CIT: variants seen among roughly 807,000 people sequenced by gnomAD.
CIT encodes citron rho-interacting serine/threonine kinase.
Under a neutral mutation model 272.7 loss-of-function variants are expected in CIT, and 79 were observed. The observed-to-expected ratio is 0.29, with a 90% CI of 0.24 to 0.35. The LOEUF is 0.35. Among genes scored for constraint, CIT ranks in the 10% least tolerant of loss-of-function variants. CIT has a pLI of 1.00. For missense variants in CIT, 1,909 were observed against 2,618.3 expected, an observed-to-expected ratio of 0.73 and a Z score of 5.91; for synonymous variants, 948 against 995.6, an observed-to-expected ratio of 0.95 and a Z score of 0.90.
intron 23 of CIT, among the ~76,000 whole-genome samples, chr12:119,748,685 CCAT>C (rs1254818175): frequency 2.0e-5 from 3 of 152,172 alleles, no homozygotes; most frequent in Non-Finnish European, 4.4e-5. Flanking sequence ...CTTTGGGATC[CCAT>C]CATCACGCTA....
In CIT at chr12:119,769,675, G is replaced by A. The variant is rs1476320272; in HGVS notation, c.2208+1110C>T. Among the ~76,000 whole-genome samples the A allele has an allele frequency of 3.9e-5, 6 of 152,134 alleles. No individual in the cohort carries two copies. The East Asian group carries it at 9.6e-4, about 24-fold the overall frequency. On this transcript the variant is annotated intron_variant, in intron 18 of 47. Coordinates refer to ENST00000392521, the MANE Select transcript of CIT (RefSeq NM_001206999.2). ...TGATGACGGAACAAGAGAACAGAAA[G>A]GGTAGACTAACAGTCACATTTGTCT...
At chr12:119,875,056 A>G (rs1950802314) in intron 2 of CIT, among the ~76,000 whole-genome samples, 3 of 152,222 alleles carry the variant, frequency 2.0e-5, no homozygotes, top group African/African-American at 7.2e-5. Flanking sequence ...TAAGCCCAAC[A>G]CTTGCAGAAG....
chr12:119,712,443 C>T lies in CIT; in HGVS notation c.4685-96G>A, dbSNP rs374403456. The T allele has an allele frequency of 5.2e-4, 755 of 1,453,392 alleles. 9 individuals are homozygous for T. Among genetic ancestry groups the T allele is most frequent in the South Asian group, 3.7e-3 (288 of 77,598 alleles). The allele number at this position is 1,453,392 out of a possible 1,614,324, so 90.0% of individuals were successfully genotyped here. The stretch of plus-strand genomic sequence containing the variant: ...GAGATCAAAGATGCCCACCAAACCA[C>T]GCAAATCCCAGTTACCGCCAAGGCG... On this transcript the variant is annotated intron_variant, in intron 36 of 47. Transcript: ENST00000392521. The surrounding 1 kb of genome is among the most constrained non-coding windows in gnomAD (Gnocchi z 5.2).
chr12:119,854,623 T>C lies in CIT; in HGVS notation c.414+2900A>G, dbSNP rs138069812. On this transcript the variant is annotated intron_variant, in intron 4 of 47. Coordinates refer to ENST00000392521, the MANE Select transcript of CIT (RefSeq NM_001206999.2). ...GGCCACTGAACTCCAGCGGACTCTG[T>C]CTCAAAAAAATAAAAATAAAACAAT... Among the ~76,000 whole-genome samples the C allele has an allele frequency of 6.0e-3, 901 of 150,098 alleles. 9 individuals carry two copies. Among genetic ancestry groups the C allele is most frequent in the African/African-American group, 0.021 (838 of 40,778 alleles).
chr12:119,726,686 G>A (rs1958132210), intron 28 of CIT, among the ~76,000 whole-genome samples: 1 of 152,136 alleles, frequency 6.6e-6, no homozygotes, highest in Non-Finnish European at 1.5e-5. Context: ...CTCACTAAGG[G>A]TTAAACAGAA....
intron 12 of CIT, 171 bp from the exon 13 acceptor site, chr12:119,782,808 C>A (rs993561439): frequency 2.9e-6 from 2 of 688,258 alleles, no homozygotes; most frequent in African/African-American, 1.8e-5. Flanking sequence ...CCTGTAAAAC[C>A]CCTTGGTTCA....
chr12:119,814,803 G>A (rs939485112), intron 9 of CIT, among the ~76,000 whole-genome samples: 9 of 152,052 alleles, frequency 5.9e-5, no homozygotes, highest in Non-Finnish European at 1.2e-4. Context: ...TTGGGAGGCC[G>A]AGGCGGGCGG....
intron 23 of CIT, 36 bp downstream of exon 23, chr12:119,752,014 C>A: frequency 6.3e-7 from 1 of 1,587,676 alleles, no homozygotes. Context: ...TAGCTGAGGC[C>A]TTTAGCAACC....
intron 41 of CIT, among the ~76,000 whole-genome samples, chr12:119,702,695 AAAAG>A (rs749681848): frequency 3.3e-4 from 50 of 152,264 alleles, no homozygotes; most frequent in Non-Finnish European, 6.0e-4. Context: ...CTCAAAAAAA[AAAAG>A]AAAGAAAAGA....
intron 29 of CIT, 53 bp downstream of exon 29, chr12:119,721,256 T>C: frequency 1.3e-6 from 2 of 1,527,162 alleles, no homozygotes; most frequent in Non-Finnish European, 1.8e-6. Context: ...CATGAGCCAC[T>C]GCGCCCAGCC....
At chr12:119,860,017 T>C (rs529754909) in intron 3 of CIT, among the ~76,000 whole-genome samples, 1 of 152,038 alleles carries the variant, frequency 6.6e-6, no homozygotes, top group Middle Eastern at 3.2e-3. Flanking sequence ...AGGGTCTCAT[T>C]ATGTCACCCA....
chr12:119,707,523 T>C (rs973210010), intron 40 of CIT, among the ~76,000 whole-genome samples: 4 of 147,444 alleles, frequency 2.7e-5, no homozygotes, highest in South Asian at 2.1e-4. Context: ...CATTGCAATC[T>C]GTTTTTTTTT....
chr12:119,791,417 C>A (rs1965297540), intron 10 of CIT, among the ~76,000 whole-genome samples: 1 of 152,214 alleles, frequency 6.6e-6, no homozygotes, highest in Admixed American at 6.5e-5. Context: ...GGAAAGCTCA[C>A]CCCACAAGAG....
intron 10 of CIT, among the ~76,000 whole-genome samples, chr12:119,794,946 G>A (rs1260130681): frequency 1.3e-5 from 2 of 152,184 alleles, no homozygotes; most frequent in African/African-American, 4.8e-5. Context: ...GAGGCTGAAA[G>A]CAGTGAAATG....
rs1274580679 is a variant in CIT at position 119,784,088 on chromosome 12, G to A, written c.1402-37C>T. 6.2e-7 allele frequency: 1 copy of A among 1,613,756 alleles called. No individual in the cohort carries two copies. The highest frequency in any genetic ancestry group is 8.5e-7 in the Non-Finnish European group (1 of 1,179,766). On this transcript the variant is annotated intron_variant, in intron 11 of 47. Coordinates refer to ENST00000392521, the MANE Select transcript of CIT (RefSeq NM_001206999.2). The surrounding 1 kb of genome is among the most constrained non-coding windows in gnomAD (Gnocchi z 4.7). ...ACATCGACAGGTTAAAAAGGCCCGT[G>A]GAGGTTCATTAGGAGCAATCACATC...
rs915324144 is a variant in CIT at position 119,687,463 on chromosome 12, C to G, written c.*769G>C. On this transcript the variant is annotated 3_prime_UTR_variant, in exon 48 of 48. Coordinates refer to ENST00000392521, the MANE Select transcript of CIT (RefSeq NM_001206999.2). The stretch of plus-strand genomic sequence containing the variant: ...TGGGGGGTGGGGAAGGAAAGCGTCT[C>G]GAGGTCCCTTGGCCCCAAGTCACTG... 1 of 152,646 alleles carries G rather than the reference C, an allele frequency of 6.6e-6. No homozygotes were observed. The highest frequency in any genetic ancestry group is 2.4e-5 in the African/African-American group (1 of 41,424). 9.5% of individuals were successfully genotyped at this position (152,646 alleles called of 1,614,324 possible).
In CIT at chr12:119,734,959, A is replaced by C. The variant is rs78313149; in HGVS notation, c.3156+201T>G. Among the ~76,000 whole-genome samples the C allele has an allele frequency of 2.0e-5, 3 of 152,162 alleles. No individual in the cohort carries two copies. In the East Asian group the frequency reaches 5.8e-4, roughly 29 times the overall value. On this transcript the variant is annotated intron_variant, in intron 25 of 47. Coordinates refer to ENST00000392521, the MANE Select transcript of CIT (RefSeq NM_001206999.2). ...AGCTGCCACACTGGCCCTATTTTTT[A>C]AAATCAAAATTAATAAGAACTACAC...
intron 47 of CIT, among the ~76,000 whole-genome samples, chr12:119,689,877 C>T (rs1202646769): frequency 6.6e-6 from 1 of 151,874 alleles, no homozygotes; most frequent in Non-Finnish European, 1.5e-5. Flanking sequence ...GACGGGGTTT[C>T]ACCACATTAG....
rs79892909 is a variant in CIT at position 119,735,310 on chromosome 12, G to A, written c.3006C>T (p.Asn1002=). 8.6e-4 allele frequency: 1,392 copies of A among 1,614,166 alleles called. 10 individuals are homozygous for A. The African/African-American group carries it at 0.016, about 18-fold the overall frequency. The part of the protein sequence containing the change: ...EEQLNQLTED[N]AELNNQNFYL... ...AGAAGTTTTGGTTGTTGAGTTCAGC[G>A]TTGTCCTCGGTCAGCTGGTTTAGCT... The change falls in exon 25 of 48, where the codon AAC becomes AAT. Residue 1002 remains asparagine, a synonymous_variant. Coordinates refer to ENST00000392521, the MANE Select transcript of CIT (RefSeq NM_001206999.2).
Sources: gnomAD v4.1 joint callset for allele counts (sites outside exome capture counted in the v4.1 genomes callset) on GRCh38, gnomAD v4.1.1 for gene constraint, Gnocchi (gnomAD v3.1) non-coding constraint, MANE v1.5 for transcripts, NCBI Gene and HGNC (gene_info 2026-07-23, HGNC 2026-07-21) for gene names.